Variants in TRPM6 observed in about 807,000 individuals in gnomAD.
TRPM6 encodes channel kinase 2.
TRPM6 carries 111 observed loss-of-function variants against 247.6 expected under a neutral mutation model. The ratio of observed to expected loss-of-function variants is 0.45; its 90% CI spans 0.38 to 0.52. The LOEUF is 0.52. Among genes scored for constraint, TRPM6 ranks in the 20% least tolerant of loss-of-function variants. The probability of loss-of-function intolerance (pLI) is 0.00; values close to 1 mark genes in which losing one functional copy is unlikely to be tolerated. For missense variants in TRPM6, 2,126 were observed against 2,421.5 expected (o/e 0.88, Z 2.56); for synonymous variants, 892 against 853.8 (o/e 1.04, Z -0.78).
At chr9:74,843,972 G>A (rs1473119460) in intron 3 of TRPM6, among the ~76,000 whole-genome samples, 3 of 152,154 alleles carry the variant, frequency 2.0e-5, no homozygotes, top group South Asian at 2.1e-4. Flanking sequence ...TGTGGTCAAT[G>A]AGCAGAAATA....
chr9:74,752,797 G>A (rs1185019391), intron 28 of TRPM6, among the ~76,000 whole-genome samples: 1 of 152,028 alleles, frequency 6.6e-6, no homozygotes, highest in East Asian at 1.9e-4. Context: ...CATCATAGTA[G>A]GCTACTTAAA....
intron 2 of TRPM6, among the ~76,000 whole-genome samples, chr9:74,856,633 CAGA>C (rs1291849286): frequency 6.6e-6 from 1 of 152,120 alleles, no homozygotes; most frequent in African/African-American, 2.4e-5. Context: ...TGCCTTTTCT[CAGA>C]AGCTTTCCTT....
At chr9:74,815,795 T>C (rs1166554127) in intron 11 of TRPM6, among the ~76,000 whole-genome samples, 2 of 152,356 alleles carry the variant, frequency 1.3e-5, no homozygotes, top group East Asian at 3.9e-4. Flanking sequence ...AGAACTACCA[T>C]CTTTTAAAAT....
In TRPM6 at chr9:74,744,096, T is replaced by C; in HGVS notation, c.5133A>G (p.Ser1711=). The C allele has an allele frequency of 6.2e-7, 1 of 1,613,926 alleles. No homozygotes were observed. The highest frequency in any genetic ancestry group is 8.5e-7 in the Non-Finnish European group (1 of 1,179,856). The change falls in exon 32 of 39, where the codon TCA becomes TCG. Residue 1711 remains serine, a splice_region_variant and synonymous_variant. Transcript: ENST00000360774. ...KSPQEPHHHY[S]AIERNNLMRL... ...TGTCTATGTGCATATGCATCCTACC[T>C]GAATAATGATGGTGAGGCTCTTGAG...
chr9:74,762,494 C>T lies in TRPM6; in HGVS notation c.4177G>A (p.Val1393Ile), dbSNP rs3750425. The T allele has an allele frequency of 0.11, 169,951 of 1,614,024 alleles. 11,058 individuals carry two copies. Among genetic ancestry groups the T allele is most frequent in the African/African-American group, 0.27 (19,939 of 74,966 alleles). The change falls in exon 26 of 39, where the codon GTT becomes ATT. Residue 1393 changes from valine (V) to isoleucine (I), a missense_variant. Transcript: ENST00000360774. ...VLVHLTGQTP[V>I]VSDWASVDEP... Reference sequence around the variant, plus strand: ...TCCACTGATGCCCAGTCAGAGACAACTGGGGTCTGCCCAGTCAGATGAACA... The same window carrying T: ...TCCACTGATGCCCAGTCAGAGACAATTGGGGTCTGCCCAGTCAGATGAACA...
intron 1 of TRPM6, among the ~76,000 whole-genome samples, chr9:74,881,783 C>G (rs1295505152): frequency 6.6e-6 from 1 of 152,072 alleles, no homozygotes; most frequent in Non-Finnish European, 1.5e-5. Flanking sequence ...ATAAGAGGAA[C>G]TTTGGAAACT....
chr9:74,833,350 G>A (rs187254603), intron 6 of TRPM6, among the ~76,000 whole-genome samples: 6 of 152,224 alleles, frequency 3.9e-5, no homozygotes, highest in African/African-American at 1.2e-4. Flanking sequence ...AGACAAGTCC[G>A]TTCCCTTTGA....
At chr9:74,859,727 T>C (rs1306290109) in intron 1 of TRPM6, among the ~76,000 whole-genome samples, 2 of 151,560 alleles carry the variant, frequency 1.3e-5, no homozygotes, top group Non-Finnish European at 2.9e-5. Flanking sequence ...TGAGCCGAGA[T>C]TGCACCACTG....
Position 74,724,406 on chromosome 9 carries a change from G to A in TRPM6, c.*207C>T, listed in dbSNP as rs1323060127. 8 of 635,522 alleles carry A rather than the reference G, an allele frequency of 1.3e-5. No homozygotes were observed. The highest frequency in any genetic ancestry group is 1.9e-5 in the Non-Finnish European group (7 of 366,290). The allele number at this position is 635,522 out of a possible 1,614,324, so 39.4% of individuals were successfully genotyped here. On this transcript the variant is annotated 3_prime_UTR_variant, in exon 39 of 39. Coordinates refer to ENST00000360774, the MANE Select transcript of TRPM6 (RefSeq NM_017662.5). ...TCTTCGTGTGGAACTTGAGGATGGA[G>A]CTGCAAAGTGCCCTGGACAGAGGTC... is the stretch of plus-strand genomic sequence containing the variant.
intron 1 of TRPM6, among the ~76,000 whole-genome samples, chr9:74,867,973 C>G (rs1408087140): frequency 1.4e-5 from 2 of 147,430 alleles, no homozygotes; most frequent in African/African-American, 2.5e-5. Context: ...GCCAACATGG[C>G]GAAACCCCAA....
intron 5 of TRPM6, among the ~76,000 whole-genome samples, chr9:74,837,167 A>C (rs1029484394): frequency 1.3e-5 from 2 of 152,268 alleles, no homozygotes; most frequent in African/African-American, 4.8e-5. Context: ...AATGTCAAAG[A>C]TTCATGCGAA....
intron 5 of TRPM6, among the ~76,000 whole-genome samples, chr9:74,837,840 C>T (rs1168753697): frequency 6.6e-6 from 1 of 151,618 alleles, no homozygotes; most frequent in Non-Finnish European, 1.5e-5. Context: ...GCCTTGACCT[C>T]CCAGGCTCAA....
intron 7 of TRPM6, among the ~76,000 whole-genome samples, chr9:74,823,439 A>G (rs1015890798): frequency 3.9e-5 from 6 of 152,212 alleles, no homozygotes; most frequent in African/African-American, 1.4e-4. Context: ...GACGTATAGT[A>G]TGTGGTCTTC....
chr9:74,796,653 G>T, intron 18 of TRPM6, 88 bp downstream of exon 18: 1 of 1,373,442 alleles, frequency 7.3e-7, no homozygotes, highest in Non-Finnish European at 1.0e-6. Context: ...TTGTTTAATA[G>T]ATGGCTATAT....
At chr9:74,733,144 GTGAGCCGAGATCACGCCAC>G (rs989125783) in intron 36 of TRPM6, among the ~76,000 whole-genome samples, 6 of 151,708 alleles carry the variant, frequency 4.0e-5, no homozygotes, top group Non-Finnish European at 8.8e-5. Flanking sequence ...AGAGGTTGCA[GTGAGCCGAGATCACGCCAC>G]TGCATTCAAG....
intron 6 of TRPM6, 37 bp downstream of exon 6, chr9:74,833,961 T>A (rs930277052): frequency 6.2e-7 from 1 of 1,612,456 alleles, no homozygotes; most frequent in Non-Finnish European, 8.5e-7. Flanking sequence ...TGCACACGTG[T>A]TCGTTTGCTT....
intron 23 of TRPM6, among the ~76,000 whole-genome samples, chr9:74,779,105 T>C (rs541092248): frequency 6.6e-6 from 1 of 152,292 alleles, no homozygotes; most frequent in South Asian, 2.1e-4. Flanking sequence ...GGTGAAACCC[T>C]GTCTCTACCA....
At chr9:74,827,608 G>A (rs1340707595) in intron 7 of TRPM6, 170 bp downstream of exon 7, 18 of 729,264 alleles carry the variant, frequency 2.5e-5, no homozygotes, top group Non-Finnish European at 4.3e-5. Flanking sequence ...TTGGATACAT[G>A]GAGGGAGAGA....
chr9:74,804,651 T>C lies in TRPM6; in HGVS notation c.1639-765A>G, dbSNP rs116497707. 6,469 of 749,698 alleles carry C rather than the reference T, an allele frequency of 8.6e-3. 259 individuals carry two copies. The African/African-American group carries it at 0.093, about 11-fold the overall frequency. 46.4% of individuals were successfully genotyped at this position (749,698 alleles called of 1,614,324 possible). On this transcript the variant is annotated intron_variant, in intron 14 of 38. Coordinates refer to ENST00000360774, the MANE Select transcript of TRPM6 (RefSeq NM_017662.5). ...CTGGTCTGAAGGCATGAAGGTGTCC[T>C]CTGTGACTATTCAGCAGTTCCCTAC...
Sources: gnomAD v4.1 joint callset for allele counts (sites outside exome capture counted in the v4.1 genomes callset) on GRCh38, gnomAD v4.1.1 for gene constraint, MANE v1.5 for transcripts, NCBI Gene and HGNC (gene_info 2026-07-23, HGNC 2026-07-21) for gene names.